The following SETBP1 variants were observed in gnomAD, a reference collection of about 807,000 sequenced individuals.
SETBP1 encodes the protein SET binding protein 1, also known as SET-binding protein.
Under a neutral mutation model 101.0 loss-of-function variants are expected in SETBP1, and 9 were observed. That is an observed-to-expected ratio of 0.09 (90% confidence interval 0.05 to 0.16). The LOEUF (loss-of-function observed/expected upper bound fraction) is 0.16, where lower values mean the gene tolerates loss of function less well. Ranked by LOEUF, SETBP1 falls within the 10% of genes least tolerant of loss-of-function variation. SETBP1 has a pLI of 1.00. For missense variants in SETBP1, 1,858 were observed against 2,033.8 expected (o/e 0.91, Z 1.66); for synonymous variants, 818 against 788.5 (o/e 1.04, Z -0.63).
intron 4 of SETBP1, among the ~76,000 whole-genome samples, chr18:44,997,901 T>C (rs1244921883): frequency 6.6e-6 from 1 of 152,226 alleles, no homozygotes; most frequent in Non-Finnish European, 1.5e-5. Context: ...GAACTTCTTG[T>C]AATTGAAACT....
At chr18:44,929,619 G>T (rs1459809350) in intron 3 of SETBP1, among the ~76,000 whole-genome samples, 1 of 152,088 alleles carries the variant, frequency 6.6e-6, no homozygotes, top group East Asian at 1.9e-4. Flanking sequence ...ATTGAGCAGT[G>T]GTTTGTAGTT....
intron 5 of SETBP1, among the ~76,000 whole-genome samples, chr18:45,049,517 G>A (rs2073686641): frequency 6.6e-6 from 1 of 152,140 alleles, no homozygotes; most frequent in Admixed American, 6.5e-5. Context: ...AAGATTTCTG[G>A]CTTTATGAAA....
At chr18:44,681,757 T>C (rs1351931168) in intron 1 of SETBP1, among the ~76,000 whole-genome samples, 1 of 152,166 alleles carries the variant, frequency 6.6e-6, no homozygotes, top group Non-Finnish European at 1.5e-5. Flanking sequence ...GGTGTGTATC[T>C]GTCTAAAAGG....
chr18:44,724,470 A>G (rs1004571593), intron 2 of SETBP1, among the ~76,000 whole-genome samples: 1 of 152,158 alleles, frequency 6.6e-6, no homozygotes, highest in Admixed American at 6.5e-5. Flanking sequence ...GAGATAGGTA[A>G]GTGAGAGTGG....
intron 4 of SETBP1, among the ~76,000 whole-genome samples, chr18:45,023,720 A>ACCCT (rs1169158993): frequency 5.9e-5 from 9 of 152,130 alleles, no homozygotes; most frequent in Non-Finnish European, 8.8e-5. Context: ...GGTAGTGTCC[A>ACCCT]CCCTAAATGC....
At chr18:44,782,215 C>A (rs559341839) in intron 2 of SETBP1, among the ~76,000 whole-genome samples, 15 of 151,824 alleles carry the variant, frequency 9.9e-5, no homozygotes, top group Non-Finnish European at 1.5e-5. Flanking sequence ...TCTTTCTCCA[C>A]GTTAAGGAGA....
chr18:44,911,386 A>G (rs570205978), intron 3 of SETBP1, among the ~76,000 whole-genome samples: 1 of 152,316 alleles, frequency 6.6e-6, no homozygotes, highest in African/African-American at 2.4e-5. Flanking sequence ...CCTATAATTG[A>G]AAAGGTCCTT....
intron 4 of SETBP1, among the ~76,000 whole-genome samples, chr18:44,979,502 G>A (rs1222253320): frequency 6.6e-6 from 1 of 152,224 alleles, no homozygotes; most frequent in African/African-American, 2.4e-5. Flanking sequence ...TAAGTTCAAA[G>A]ATAATTTAGT....
chr18:44,708,784 C>G (rs146250154), intron 2 of SETBP1, among the ~76,000 whole-genome samples: 96 of 152,210 alleles, frequency 6.3e-4, no homozygotes, highest in African/African-American at 2.2e-3. Context: ...AGAAGAAAAA[C>G]AAAGCAGCAT....
chr18:45,052,043 C>G (rs2073730961), intron 5 of SETBP1, among the ~76,000 whole-genome samples: 1 of 152,220 alleles, frequency 6.6e-6, no homozygotes, highest in Admixed American at 6.5e-5. Flanking sequence ...AGTAAGTCAG[C>G]TAGACTCTGT....
intron 2 of SETBP1, among the ~76,000 whole-genome samples, chr18:44,705,926 C>T (rs1474509777): frequency 6.6e-6 from 1 of 152,198 alleles, no homozygotes; most frequent in South Asian, 2.1e-4. Context: ...TGCACGGACT[C>T]TTCTAACCAG....
At chr18:44,765,264 A>T (rs1009760907) in intron 2 of SETBP1, among the ~76,000 whole-genome samples, 1 of 152,046 alleles carries the variant, frequency 6.6e-6, no homozygotes, top group African/African-American at 2.4e-5. Flanking sequence ...CTGTAGGAAA[A>T]AAAAAAAGCA....
At chr18:44,845,722 C>T (rs984284367) in intron 2 of SETBP1, among the ~76,000 whole-genome samples, 11 of 152,286 alleles carry the variant, frequency 7.2e-5, no homozygotes, top group Non-Finnish European at 1.2e-4. Context: ...CATGCAAGGC[C>T]GGGCCCCTAA....
rs577528718 is a variant in SETBP1, at chr18:45,063,298, T to C, written c.4391T>C (p.Phe1464Ser). ...RGRPRKQPTQ[F>S]DEDSRDQMPV... ...CGTCCCAGGAAGCAGCCCACCCAGTTCGATGAGGACTCCAGAGACCAAATG... is the reference window on the plus strand; with the variant it reads ...CGTCCCAGGAAGCAGCCCACCCAGTCCGATGAGGACTCCAGAGACCAAATG... Residue 1464 changes from phenylalanine (F) to serine (S), a missense_variant, in exon 6 of 6, where the codon TTC becomes TCC. This residue lies in a region of SETBP1 where 178 missense variants were observed against 189.1 expected (regional missense o/e 0.94). Transcript: ENST00000649279. 4 of 1,606,866 alleles carry C rather than the reference T, an allele frequency of 2.5e-6. No individual in the cohort carries two copies. The highest frequency in any genetic ancestry group is 3.4e-6 in the Non-Finnish European group (4 of 1,176,476).
intron 3 of SETBP1, among the ~76,000 whole-genome samples, chr18:44,905,193 A>C (rs1025287234): frequency 6.6e-6 from 1 of 152,188 alleles, no homozygotes; most frequent in African/African-American, 2.4e-5. Flanking sequence ...TCAATAAAAC[A>C]AAGCTGGAAC....
intron 4 of SETBP1, among the ~76,000 whole-genome samples, chr18:44,962,825 G>A (rs111866602): frequency 3.3e-5 from 5 of 152,232 alleles, no homozygotes; most frequent in South Asian, 2.1e-4. Flanking sequence ...TCTTCAGTGC[G>A]GGGGCTGGGG....
intron 2 of SETBP1, among the ~76,000 whole-genome samples, chr18:44,732,173 A>G (rs1274261235): frequency 1.3e-5 from 2 of 152,212 alleles, no homozygotes; most frequent in Non-Finnish European, 2.9e-5. Flanking sequence ...AAAGTTGATT[A>G]CCACTCAGAT....
At position 44,946,083 on chromosome 18, in the gene SETBP1, G is replaced by A. The variant is rs1248143169; in HGVS notation, c.541-3798G>A. ...TAGCTATCAGCCAAGGCTGGAGGAG[G>A]CCTTGTTCTCTGGACCTCTTAGAAA... On this transcript the variant is annotated intron_variant, in intron 3 of 5. Coordinates refer to ENST00000649279, the MANE Select transcript of SETBP1 (RefSeq NM_015559.3). 2.0e-5 allele frequency among the ~76,000 whole-genome samples: 3 copies of A among 152,218 alleles called. No homozygotes were observed. The East Asian group carries it at 5.8e-4, about 29-fold the overall frequency.
intron 4 of SETBP1, among the ~76,000 whole-genome samples, chr18:44,965,285 ACACACACACACAC>A (rs1302863074): frequency 3.9e-3 from 1 of 254 alleles, no homozygotes; most frequent in African/African-American, 0.023. Context: ...ATGCACACAA[ACACACACACACAC>A]ACACACACAC....
Sources: allele counts gnomAD v4.1 joint callset (sites outside exome capture counted in the v4.1 genomes callset), GRCh38; gene constraint gnomAD v4.1.1; regional missense constraint gnomAD v4.1.1; transcripts MANE v1.5; gene names NCBI Gene and HGNC (gene_info 2026-07-23, HGNC 2026-07-21).